Variants in PHKG2 observed in about 807,000 individuals in gnomAD.
PHKG2 encodes phosphorylase b kinase gamma catalytic chain, liver/testis isoform.
A neutral mutation model predicts 44.5 loss-of-function variants in PHKG2; 28 were observed. The observed-to-expected ratio is 0.63, with a 90% CI of 0.47 to 0.86. The LOEUF (loss-of-function observed/expected upper bound fraction) is 0.86, where lower values mean the gene tolerates loss of function less well. Ranked by LOEUF, PHKG2 falls within the 40% of genes least tolerant of loss-of-function variation. The pLI is 0.00. For synonymous variants in PHKG2, 220 were observed against 211.2 expected, an observed-to-expected ratio of 1.04 and a Z score of -0.36; for missense variants, 498 against 547.5, an observed-to-expected ratio of 0.91 and a Z score of 0.90.
chr16:30,749,280 CTGTG>C (rs66820167), intron 2 of PHKG2, among the ~76,000 whole-genome samples: 1,588 of 147,528 alleles, frequency 0.011, 44 homozygotes, highest in African/African-American at 0.036. Flanking sequence ...GTGTGTGTGT[CTGTG>C]TGTGTGTGTG....
rs114500147 is a variant in PHKG2 at position 30,750,803 on chromosome 16, G to A, written c.96-303G>A. Reference sequence around the variant, plus strand: ...AGATCTTTCTTTCCCCTTCCTGCAAGGAACAGGTGCTGAGGCTCAGTGTGG... The same window carrying A: ...AGATCTTTCTTTCCCCTTCCTGCAAAGAACAGGTGCTGAGGCTCAGTGTGG... On this transcript the variant is annotated intron_variant, in intron 2 of 9. Transcript: ENST00000563588. Among the ~76,000 whole-genome samples, 1,289 of 152,254 alleles carry A rather than the reference G, an allele frequency of 8.5e-3. 24 individuals carry two copies. Among genetic ancestry groups the A allele is most frequent in the African/African-American group, 0.029 (1,211 of 41,548 alleles).
Position 30,758,828 on chromosome 16 carries a change from T to G in PHKG2, c.*1731T>G, listed in dbSNP as rs7193412. ...CCTCAGATTGTGCTGGGATTACAGG[T>G]GTGAGCCACCACGCCTGGCCTGCAG... is the stretch of plus-strand genomic sequence containing the variant. On this transcript the variant is annotated 3_prime_UTR_variant, in exon 10 of 10. Transcript: ENST00000563588. The G allele has an allele frequency of 0.99, 995,837 of 1,004,138 alleles. 494,191 individuals carry two copies. The highest frequency in any genetic ancestry group is 1 in the Non-Finnish European group (706,174 of 706,280). The allele number at this position is 1,004,138 out of a possible 1,614,324, so 62.2% of individuals were successfully genotyped here. A position where few individuals can be genotyped will look rare whatever the true frequency, so the allele number is the denominator to read the frequency against.
In PHKG2 at chr16:30,758,952, A is replaced by G; in HGVS notation, c.*1855A>G. The G allele has an allele frequency of 1.9e-6, 3 of 1,603,844 alleles. No individual in the cohort carries two copies. The highest frequency in any genetic ancestry group is 1.3e-5 in the African/African-American group (1 of 74,552). Reference sequence around the variant, plus strand: ...AAGTCTGAAGTCCTGATGTCATCCAAACCCTTCATTCTACACCTGCTCAGA... The same window carrying G: ...AAGTCTGAAGTCCTGATGTCATCCAGACCCTTCATTCTACACCTGCTCAGA... On this transcript the variant is annotated 3_prime_UTR_variant, in exon 10 of 10. Coordinates refer to ENST00000563588, the MANE Select transcript of PHKG2 (RefSeq NM_000294.3).
Position 30,758,894 on chromosome 16 carries a change from T to A in PHKG2, c.*1797T>A, listed in dbSNP as rs2053549794. The stretch of plus-strand genomic sequence containing the variant: ...TCATCTTGGACTTCTGCATAAGGGA[T>A]CATTTAGAGAAAGGACTCTGACTAA... On this transcript the variant is annotated 3_prime_UTR_variant, in exon 10 of 10. Coordinates refer to ENST00000563588, the MANE Select transcript of PHKG2 (RefSeq NM_000294.3). 1 of 1,494,646 alleles carries A rather than the reference T, an allele frequency of 6.7e-7. No individual in the cohort carries two copies. Among genetic ancestry groups the A allele is most frequent in the Non-Finnish European group, 8.9e-7 (1 of 1,120,608 alleles). The allele number at this position is 1,494,646 out of a possible 1,614,324, so 92.6% of individuals were successfully genotyped here.
At chr16:30,751,353 TC>T (rs751722779) in intron 3 of PHKG2, 72 bp downstream of exon 3, 16 of 1,516,980 alleles carry the variant, frequency 1.1e-5, no homozygotes, top group Non-Finnish European at 1.5e-5. Context: ...ATAGCCCACT[TC>T]CGCCAACATT....
chr16:30,757,352 C>T lies in PHKG2; in HGVS notation c.*255C>T, dbSNP rs150529725. 5.7e-3 allele frequency: 8,761 copies of T among 1,532,240 alleles called. 28 individuals are homozygous for T. The highest frequency in any genetic ancestry group is 7.1e-3 in the Non-Finnish European group (8,057 of 1,142,766). 94.9% of individuals were successfully genotyped at this position (1,532,240 alleles called of 1,614,324 possible). Reference sequence around the variant, plus strand: ...ACTGCATATGAAATAAAATCTGCTACACGCCAGGGAGAACAGGTGTCCTGT... The same window carrying T: ...ACTGCATATGAAATAAAATCTGCTATACGCCAGGGAGAACAGGTGTCCTGT... On this transcript the variant is annotated 3_prime_UTR_variant, in exon 10 of 10. Transcript: ENST00000563588.
chr16:30,757,591 T>A lies in PHKG2; in HGVS notation c.*494T>A. On this transcript the variant is annotated 3_prime_UTR_variant, in exon 10 of 10. Coordinates refer to ENST00000563588, the MANE Select transcript of PHKG2 (RefSeq NM_000294.3). Reference sequence around the variant, plus strand: ...CTTGAGCCGCTCCTCCACCAGCCCCTGGAGCTGCTCCAGCTCTTTGTTCAC... The same window carrying A: ...CTTGAGCCGCTCCTCCACCAGCCCCAGGAGCTGCTCCAGCTCTTTGTTCAC... 8.7e-6 allele frequency: 14 copies of A among 1,614,190 alleles called. No individual in the cohort carries two copies. Among genetic ancestry groups the A allele is most frequent in the Non-Finnish European group, 1.2e-5 (14 of 1,180,024 alleles).
In PHKG2 at chr16:30,759,467, G is replaced by A. The variant is rs768897775; in HGVS notation, c.*2370G>A. The A allele has an allele frequency of 6.8e-6, 11 of 1,614,216 alleles. No homozygotes were observed. The highest frequency in any genetic ancestry group is 2.2e-5 in the South Asian group (2 of 91,088). ...ATGCTGAAAGGAGGCCGCTGTGGTGGTGACTCGGAATTAGAACCCTGACTA... is the reference window on the plus strand; with the variant it reads ...ATGCTGAAAGGAGGCCGCTGTGGTGATGACTCGGAATTAGAACCCTGACTA... On this transcript the variant is annotated 3_prime_UTR_variant, in exon 10 of 10. Coordinates refer to ENST00000563588, the MANE Select transcript of PHKG2 (RefSeq NM_000294.3).
chr16:30,757,836 T>C lies in PHKG2; in HGVS notation c.*739T>C. On this transcript the variant is annotated 3_prime_UTR_variant, in exon 10 of 10. Transcript: ENST00000563588. ...GTGAGAGGTAGTTGGGTAGGGTGGCTATGCTGGACTTTGCAGCTTCAAATT... is the reference window on the plus strand; with the variant it reads ...GTGAGAGGTAGTTGGGTAGGGTGGCCATGCTGGACTTTGCAGCTTCAAATT... 2.1e-6 allele frequency: 3 copies of C among 1,404,750 alleles called. No homozygotes were observed. Among genetic ancestry groups the C allele is most frequent in the Non-Finnish European group, 2.8e-6 (3 of 1,083,838 alleles). 87.0% of individuals were successfully genotyped at this position (1,404,750 alleles called of 1,614,324 possible). A position where few individuals can be genotyped will look rare whatever the true frequency, so the allele number is the denominator to read the frequency against.
chr16:30,749,088 G>GTGC lies in PHKG2; in HGVS notation c.95+194_95+196dup, dbSNP rs1208492440. 2.6e-3 allele frequency among the ~76,000 whole-genome samples: 35 copies of GTGC among 13,680 alleles called. 8 individuals are homozygous for GTGC. Among genetic ancestry groups the GTGC allele is most frequent in the African/African-American group, 0.01 (32 of 3,088 alleles). The allele number at this position is 13,680 out of a possible 152,430, so 9.0% of individuals were successfully genotyped here. On this transcript the variant is annotated intron_variant, in intron 2 of 9. Coordinates refer to ENST00000563588, the MANE Select transcript of PHKG2 (RefSeq NM_000294.3). The stretch of plus-strand genomic sequence containing the variant: ...GGTGGTGGTGGTGGTGGTGGTGGTG[G>GTGC]TGCTGCTGCTGCTGCTGCTGCTGGT...
rs763739487 is a variant in PHKG2 at position 30,757,433 on chromosome 16, G to T, written c.*336G>T. 6 of 1,591,072 alleles carry T rather than the reference G, an allele frequency of 3.8e-6. No homozygotes were observed. The highest frequency in any genetic ancestry group is 3.4e-6 in the Non-Finnish European group (4 of 1,166,530). On this transcript the variant is annotated 3_prime_UTR_variant, in exon 10 of 10. Transcript: ENST00000563588. ...AGGTGCTCAGCAGGGTGCAGGGATGGTGCCATTCTGGCCCAGACCTTTATT... is the reference window on the plus strand; with the variant it reads ...AGGTGCTCAGCAGGGTGCAGGGATGTTGCCATTCTGGCCCAGACCTTTATT...
chr16:30,753,616 G>C (rs2053380798), intron 6 of PHKG2, 59 bp downstream of exon 6: 1 of 1,545,124 alleles, frequency 6.5e-7, no homozygotes, highest in Admixed American at 1.7e-5. Context: ...TGATGAGATT[G>C]GTTGGCTGGG....
chr16:30,758,531 A>G lies in PHKG2; in HGVS notation c.*1434A>G. The G allele has an allele frequency of 5.0e-6, 1 of 199,806 alleles. No individual in the cohort carries two copies. Among genetic ancestry groups the G allele is most frequent in the Non-Finnish European group, 1.0e-5 (1 of 97,084 alleles). 12.4% of individuals were successfully genotyped at this position (199,806 alleles called of 1,614,324 possible). A position where few individuals can be genotyped will look rare whatever the true frequency, so the allele number is the denominator to read the frequency against. On this transcript the variant is annotated 3_prime_UTR_variant, in exon 10 of 10. Transcript: ENST00000563588. ...GGCTTTCTAATGATCATTTCTCTGG[A>G]GCCACTTCAGCTGTGCTTTTTGTTT...
At chr16:30,753,934 G>A (rs1157352056) in intron 6 of PHKG2, among the ~76,000 whole-genome samples, 2 of 152,190 alleles carry the variant, frequency 1.3e-5, no homozygotes, top group East Asian at 3.8e-4. Context: ...TGTCCAGACT[G>A]CACTTCCCAC....
At chr16:30,748,732 G>C in intron 1 of PHKG2, 71 bp from the exon 2 acceptor site, 1 of 446,612 alleles carries the variant, frequency 2.2e-6, no homozygotes. Flanking sequence ...CTGCGCCCCC[G>C]GGAGCCGCCA....
Position 30,748,864 on chromosome 16 carries a change from C to T in PHKG2, c.44C>T (p.Ala15Val), listed in dbSNP as rs1295007085. Residue 15 changes from alanine (A) to valine (V), a missense_variant, in exon 2 of 10, where the codon GCC becomes GTC. Transcript: ENST00000563588. ...VGPEDELPDW[A>V]AAKEFYQKYD... ...CCGGAGGATGAGCTGCCCGACTGGG[C>T]CGCCGCCAAAGAGTTTTACCAGAAG... is the stretch of plus-strand genomic sequence containing the variant. 6.4e-7 allele frequency: 1 copy of T among 1,554,438 alleles called. No individual in the cohort carries two copies. Among genetic ancestry groups the T allele is most frequent in the Admixed American group, 1.9e-5 (1 of 51,320 alleles).
At position 30,748,886 on chromosome 16, in the gene PHKG2, G is replaced by C; in HGVS notation, c.66G>C (p.Gln22His). 1 of 1,554,698 alleles carries C rather than the reference G, an allele frequency of 6.4e-7. No individual in the cohort carries two copies. Among genetic ancestry groups the C allele is most frequent in the Non-Finnish European group, 8.7e-7 (1 of 1,148,542 alleles). The change falls in exon 2 of 10, where the codon CAG becomes CAC. Residue 22 changes from glutamine to histidine, a missense_variant. Physicochemically the swap from Gln to His is conservative, Grantham distance 24 (BLOSUM62 0). Coordinates refer to ENST00000563588, the MANE Select transcript of PHKG2 (RefSeq NM_000294.3). ...PDWAAAKEFY[Q>H]KYDPKDVIGR... ...GGGCCGCCGCCAAAGAGTTTTACCA[G>C]AAGTACGACCCTAAGGACGTCATCG...
chr16:30,758,939 C>T lies in PHKG2; in HGVS notation c.*1842C>T. 5 of 1,586,678 alleles carry T rather than the reference C, an allele frequency of 3.2e-6. No individual in the cohort carries two copies. Among genetic ancestry groups the T allele is most frequent in the Non-Finnish European group, 4.3e-6 (5 of 1,167,938 alleles). On this transcript the variant is annotated 3_prime_UTR_variant, in exon 10 of 10. Coordinates refer to ENST00000563588, the MANE Select transcript of PHKG2 (RefSeq NM_000294.3). Reference sequence around the variant, plus strand: ...GACTAAAAACAAAAAGTCTGAAGTCCTGATGTCATCCAAACCCTTCATTCT... The same window carrying T: ...GACTAAAAACAAAAAGTCTGAAGTCTTGATGTCATCCAAACCCTTCATTCT...
intron 2 of PHKG2, among the ~76,000 whole-genome samples, 184 bp downstream of exon 2, chr16:30,749,099 GCT>G (rs2053301478): frequency 2.1e-5 from 1 of 47,126 alleles, no homozygotes; most frequent in African/African-American, 6.3e-5. Context: ...TGCTGCTGCT[GCT>G]GCTGCTGCTG....
Sources: allele counts gnomAD v4.1 joint callset (sites outside exome capture counted in the v4.1 genomes callset), GRCh38; gene constraint gnomAD v4.1.1; transcripts MANE v1.5; gene names NCBI Gene and HGNC (gene_info 2026-07-23, HGNC 2026-07-21).